ABLIM3: variants seen among roughly 807,000 people sequenced by gnomAD.
ABLIM3 encodes the protein actin binding LIM protein family member 3, also known as actin-binding LIM protein 3.
Under a neutral mutation model 109.5 loss-of-function variants are expected in ABLIM3, and 61 were observed. The ratio of observed to expected loss-of-function variants is 0.56; its 90% CI spans 0.45 to 0.69. The LOEUF is 0.69. Among genes scored for constraint, ABLIM3 ranks in the 30% least tolerant of loss-of-function variants. ABLIM3 has a pLI of 0.00. For synonymous variants in ABLIM3, 300 were observed against 324.8 expected, an observed-to-expected ratio of 0.92 and a Z score of 0.82; for missense variants, 796 against 889.5, an observed-to-expected ratio of 0.89 and a Z score of 1.34.
chr5:149,202,449 G>A (rs1456981020), intron 5 of ABLIM3, among the ~76,000 whole-genome samples: 2 of 152,240 alleles, frequency 1.3e-5, no homozygotes, highest in East Asian at 3.9e-4. Flanking sequence ...TTTTATAGAG[G>A]TATTTTCTCC....
chr5:149,256,925 C>A (rs753695039), intron 23 of ABLIM3, among the ~76,000 whole-genome samples: 1 of 152,162 alleles, frequency 6.6e-6, no homozygotes, highest in East Asian at 1.9e-4. Flanking sequence ...GCCTGGACTT[C>A]GGTCCCAGCT....
rs1480474531 is a variant in ABLIM3 at position 149,258,709 on chromosome 5, A to T, written c.*305A>T. ...AAGGTCCAACTCTCTTTCCTAAAGA[A>T]GGTGCCTGAAGAAGTCTCTCTTCTC... On this transcript the variant is annotated 3_prime_UTR_variant, in exon 24 of 24. Transcript: ENST00000309868. 3 of 1,036,904 alleles carry T rather than the reference A, an allele frequency of 2.9e-6. No homozygotes were observed. The highest frequency in any genetic ancestry group is 1.2e-6 in the Non-Finnish European group (1 of 864,328). 64.2% of individuals were successfully genotyped at this position (1,036,904 alleles called of 1,614,324 possible).
chr5:149,151,849 C>T (rs1753463682), intron 2 of ABLIM3, among the ~76,000 whole-genome samples: 1 of 152,170 alleles, frequency 6.6e-6, no homozygotes, highest in South Asian at 2.1e-4. Context: ...TTGGATTGTT[C>T]ATTTGTTTAT....
rs74471144 is a variant in ABLIM3 at position 149,150,148 on chromosome 5, T to C, written c.13+8040T>C. Among the ~76,000 whole-genome samples, 934 of 152,098 alleles carry C rather than the reference T, an allele frequency of 6.1e-3. 46 individuals are homozygous for C. In the East Asian group the frequency reaches 0.1, roughly 17 times the overall value. ...TGGTCAGCAGCTTCCCAGGGCACAGTCCAGAGTAGGGAAGCAGGCAGAACG... is the reference window on the plus strand; with the variant it reads ...TGGTCAGCAGCTTCCCAGGGCACAGCCCAGAGTAGGGAAGCAGGCAGAACG... On this transcript the variant is annotated intron_variant, in intron 2 of 23. Transcript: ENST00000309868.
At chr5:149,154,784 G>C (rs1189921997) in intron 2 of ABLIM3, among the ~76,000 whole-genome samples, 2 of 152,076 alleles carry the variant, frequency 1.3e-5, no homozygotes, top group African/African-American at 4.8e-5. Context: ...TGTCTGTTTT[G>C]TTCACTGCTG....
At chr5:149,141,899 C>T (rs928397909) in intron 1 of ABLIM3, 110 bp from the exon 2 acceptor site, 6 of 752,390 alleles carry the variant, frequency 8.0e-6, no homozygotes, top group Admixed American at 4.7e-5. Flanking sequence ...CCTATTAGTC[C>T]ACGCGCCTTC....
At chr5:149,243,293 A>C (rs1426097733) in intron 15 of ABLIM3, 1 of 152,118 alleles carries the variant, frequency 6.6e-6, no homozygotes, top group Non-Finnish European at 1.5e-5. Flanking sequence ...TAGTATGAGA[A>C]CCACCAAGTC....
chr5:149,213,849 G>T (rs932804369), intron 7 of ABLIM3, among the ~76,000 whole-genome samples: 4 of 151,536 alleles, frequency 2.6e-5, no homozygotes, highest in African/African-American at 2.4e-5. Flanking sequence ...GAGACTTTTA[G>T]CAATCAACTA....
At chr5:149,247,155 A>C (rs73275734) in intron 17 of ABLIM3, among the ~76,000 whole-genome samples, 10,819 of 152,280 alleles carry the variant, frequency 0.071, 907 homozygotes, top group African/African-American at 0.21. Context: ...CACAATGTGG[A>C]TGAACCTTGA....
intron 2 of ABLIM3, among the ~76,000 whole-genome samples, chr5:149,158,673 A>G (rs919118160): frequency 1.3e-5 from 2 of 152,216 alleles, no homozygotes; most frequent in Non-Finnish European, 2.9e-5. Flanking sequence ...TCCAGGATAG[A>G]TCACTGACCT....
chr5:149,240,706 A>T lies in ABLIM3; in HGVS notation c.1235A>T (p.His412Leu). The stretch of plus-strand genomic sequence containing the variant: ...GAGAGTGGCCGGAGCTCTCCATACC[A>T]TAGCCAGTTAGATGTGAGGTCCTCC... ...GPESGRSSPY[H>L]SQLDVRSSTP... Residue 412 changes from histidine (H) to leucine (L), a missense_variant, in exon 14 of 24, where the codon CAT becomes CTT. Physicochemically the swap from His to Leu is moderately conservative, Grantham distance 99. Coordinates refer to ENST00000309868, the MANE Select transcript of ABLIM3 (RefSeq NM_014945.5). 1 of 1,614,080 alleles carries T rather than the reference A, an allele frequency of 6.2e-7. No individual in the cohort carries two copies. The highest frequency in any genetic ancestry group is 8.5e-7 in the Non-Finnish European group (1 of 1,180,016).
chr5:149,185,677 A>G (rs2127478317), intron 3 of ABLIM3, among the ~76,000 whole-genome samples: 1 of 152,322 alleles, frequency 6.6e-6, no homozygotes, highest in Middle Eastern at 3.4e-3. Flanking sequence ...TTAAAGGTAA[A>G]AGAAATGAGA....
intron 2 of ABLIM3, among the ~76,000 whole-genome samples, chr5:149,161,520 G>T: frequency 6.6e-6 from 1 of 152,236 alleles, no homozygotes; most frequent in East Asian, 1.9e-4. Flanking sequence ...CCCTGTGCCA[G>T]TGAGTTTGGG....
rs548929537 is a variant in ABLIM3 at position 149,151,396 on chromosome 5, G to C, written c.13+9288G>C. Reference sequence around the variant, plus strand: ...CTGAGGGGTAGGGCCTCAAATATGAGTTTGTGGGGACACAATTCAATCCAT... The same window carrying C: ...CTGAGGGGTAGGGCCTCAAATATGACTTTGTGGGGACACAATTCAATCCAT... On this transcript the variant is annotated intron_variant, in intron 2 of 23. Transcript: ENST00000309868. Among the ~76,000 whole-genome samples, 12 of 152,354 alleles carry C rather than the reference G, an allele frequency of 7.9e-5. No individual in the cohort carries two copies. In the South Asian group the frequency reaches 1.9e-3, roughly 24 times the overall value.
At chr5:149,237,866 T>C in intron 11 of ABLIM3, among the ~76,000 whole-genome samples, 1 of 152,128 alleles carries the variant, frequency 6.6e-6, no homozygotes, top group Non-Finnish European at 1.5e-5. Flanking sequence ...AGACAGGACA[T>C]GAGCTTTCCA....
intron 2 of ABLIM3, among the ~76,000 whole-genome samples, chr5:149,159,840 G>T (rs1247390145): frequency 6.6e-6 from 1 of 152,108 alleles, no homozygotes; most frequent in Non-Finnish European, 1.5e-5. Flanking sequence ...AGCTGCACTG[G>T]CCTCCCTAAA....
intron 15 of ABLIM3, 34 bp from the exon 16 acceptor site, chr5:149,244,847 C>G: frequency 3.1e-6 from 5 of 1,614,112 alleles, no homozygotes; most frequent in Non-Finnish European, 4.2e-6. Context: ...GGTCACTCTG[C>G]CTTCCTGAAG....
intron 18 of ABLIM3, among the ~76,000 whole-genome samples, chr5:149,248,683 C>T (rs1427600722): frequency 1.7e-5 from 2 of 116,966 alleles, no homozygotes; most frequent in Non-Finnish European, 1.8e-5. Context: ...GAGCGAGACT[C>T]TCTCTCAAAA....
chr5:149,164,499 A>G (rs1754655008), intron 2 of ABLIM3, among the ~76,000 whole-genome samples: 1 of 152,220 alleles, frequency 6.6e-6, no homozygotes, highest in Admixed American at 6.5e-5. Context: ...CTCCAGACCC[A>G]CAGGATGAAC....
Sources: allele counts gnomAD v4.1 joint callset (sites outside exome capture counted in the v4.1 genomes callset), GRCh38; gene constraint gnomAD v4.1.1; transcripts MANE v1.5; gene names NCBI Gene and HGNC (gene_info 2026-07-23, HGNC 2026-07-21).